STEAP1B: variants seen among roughly 807,000 people sequenced by gnomAD.
The protein encoded by STEAP1B is STEAP family protein MGC87042.
A neutral mutation model predicts 27.9 loss-of-function variants in STEAP1B; 13 were observed. The ratio of observed to expected loss-of-function variants is 0.47; its 90% CI spans 0.30 to 0.74. The LOEUF is 0.74. Among genes scored for constraint, STEAP1B ranks in the 30% least tolerant of loss-of-function variants. The pLI, the probability that STEAP1B is intolerant of heterozygous loss-of-function variation, is 0.06. For missense variants in STEAP1B, 250 were observed against 298.7 expected, an observed-to-expected ratio of 0.84 and a Z score of 1.20; for synonymous variants, 86 against 107.1, an observed-to-expected ratio of 0.80 and a Z score of 1.22.
At chr7:22,486,399 T>C (rs1245147743) in intron 4 of STEAP1B, among the ~76,000 whole-genome samples, 3 of 152,138 alleles carry the variant, frequency 2.0e-5, no homozygotes, top group African/African-American at 7.2e-5. Context: ...AAGAGAGTTA[T>C]TGCAAACAAG....
chr7:22,497,657 T>C (rs1157451771), intron 1 of STEAP1B, among the ~76,000 whole-genome samples: 1 of 152,244 alleles, frequency 6.6e-6, no homozygotes, highest in African/African-American at 2.4e-5. Flanking sequence ...AACAGCATTA[T>C]TCCAAGTCAT....
At chr7:22,498,260 C>T (rs889840449) in intron 1 of STEAP1B, among the ~76,000 whole-genome samples, 9 of 152,108 alleles carry the variant, frequency 5.9e-5, no homozygotes, top group African/African-American at 1.9e-4. Flanking sequence ...GGTGTTAAAC[C>T]ATGAGAAACT....
rs538909598 is a variant in STEAP1B, at chr7:22,485,182, G to A, written c.762+7383C>T. 7.9e-5 allele frequency among the ~76,000 whole-genome samples: 12 copies of A among 152,320 alleles called. No homozygotes were observed. In the South Asian group the frequency reaches 2.3e-3, roughly 29 times the overall value. On this transcript the variant is annotated intron_variant, in intron 4 of 4. Coordinates refer to ENST00000678116, the MANE Select transcript of STEAP1B (RefSeq NM_001382447.1). ...AAAGAAATTCTACTGTGGGTAAAAT[G>A]CCATCAAACAGCATCACATGCCACA...
At chr7:22,445,515 G>A (rs1470631756) in intron 4 of STEAP1B, among the ~76,000 whole-genome samples, 1 of 152,276 alleles carries the variant, frequency 6.6e-6, no homozygotes, top group Non-Finnish European at 1.5e-5. Flanking sequence ...CCTCTTGGCA[G>A]CCAGCTTCAC....
intron 4 of STEAP1B, among the ~76,000 whole-genome samples, chr7:22,427,526 C>T (rs773671680): frequency 1.3e-5 from 2 of 152,046 alleles, no homozygotes; most frequent in African/African-American, 2.4e-5. Flanking sequence ...CTAGTTTAGG[C>T]GTGGACATAT....
chr7:22,476,541 C>T (rs568929650), intron 4 of STEAP1B, among the ~76,000 whole-genome samples: 1 of 152,300 alleles, frequency 6.6e-6, no homozygotes, highest in Admixed American at 6.5e-5. Context: ...CCTCAATCCC[C>T]TGTATAGTCC....
chr7:22,460,856 A>G (rs1284909202), intron 4 of STEAP1B, among the ~76,000 whole-genome samples: 1 of 152,208 alleles, frequency 6.6e-6, no homozygotes, highest in Non-Finnish European at 1.5e-5. Context: ...ATATACATAT[A>G]TGCATGTGTA....
intron 4 of STEAP1B, among the ~76,000 whole-genome samples, chr7:22,440,970 TTA>T (rs1785324740): frequency 6.7e-6 from 1 of 150,184 alleles, no homozygotes; most frequent in Non-Finnish European, 1.5e-5. Context: ...ATATGTTAAA[TTA>T]TATATTAAAA....
intron 4 of STEAP1B, among the ~76,000 whole-genome samples, chr7:22,475,139 T>C (rs531266761): frequency 7.9e-5 from 12 of 152,296 alleles, no homozygotes; most frequent in African/African-American, 2.9e-4. Context: ...TCTCATTTTA[T>C]CCCCACCTAA....
chr7:22,421,078 A>G (rs1359273536), intron 4 of STEAP1B, among the ~76,000 whole-genome samples: 1 of 152,224 alleles, frequency 6.6e-6, no homozygotes, highest in Admixed American at 6.5e-5. Flanking sequence ...TGAATATCCA[A>G]CATCAGTTAT....
intron 4 of STEAP1B, among the ~76,000 whole-genome samples, chr7:22,488,127 C>T (rs1786248028): frequency 6.6e-6 from 1 of 152,168 alleles, no homozygotes; most frequent in Non-Finnish European, 1.5e-5. Flanking sequence ...TTGTCCCAGT[C>T]CTCCGAGTCC....
At chr7:22,472,539 C>G (rs548829179) in intron 4 of STEAP1B, among the ~76,000 whole-genome samples, 3 of 152,192 alleles carry the variant, frequency 2.0e-5, no homozygotes, top group Non-Finnish European at 4.4e-5. Flanking sequence ...AGAAGTTTTA[C>G]GGCAAGTTGA....
At chr7:22,468,252 C>T (rs1249991721) in intron 4 of STEAP1B, among the ~76,000 whole-genome samples, 1 of 151,964 alleles carries the variant, frequency 6.6e-6, no homozygotes, top group African/African-American at 2.4e-5. Flanking sequence ...ATCTGACAAA[C>T]CTATTCTGAG....
chr7:22,456,143 T>C (rs867437285), intron 4 of STEAP1B, among the ~76,000 whole-genome samples: 10 of 150,258 alleles, frequency 6.7e-5, no homozygotes, highest in Middle Eastern at 3.4e-3. Flanking sequence ...CGAGACTCCA[T>C]CTCAAAAAAA....
At chr7:22,493,159 T>C (rs1177940657) in intron 3 of STEAP1B, among the ~76,000 whole-genome samples, 165 bp downstream of exon 3, 1 of 152,224 alleles carries the variant, frequency 6.6e-6, no homozygotes, top group Non-Finnish European at 1.5e-5. Flanking sequence ...TAAAACCGAC[T>C]GACAACCAAG....
chr7:22,473,478 T>C (rs1177702419), intron 4 of STEAP1B, among the ~76,000 whole-genome samples: 1 of 152,226 alleles, frequency 6.6e-6, no homozygotes, highest in Non-Finnish European at 1.5e-5. Flanking sequence ...TCTACTACCA[T>C]CCAACCTTCT....
intron 4 of STEAP1B, among the ~76,000 whole-genome samples, chr7:22,449,614 A>G (rs1785455995): frequency 6.6e-6 from 1 of 152,230 alleles, no homozygotes; most frequent in Admixed American, 6.5e-5. Context: ...GACAGTGCAG[A>G]TATCTCTCTT....
chr7:22,425,727 A>C (rs1785097093), intron 4 of STEAP1B, among the ~76,000 whole-genome samples: 1 of 152,220 alleles, frequency 6.6e-6, no homozygotes, highest in South Asian at 2.1e-4. Flanking sequence ...GTGCAGCCTA[A>C]ATGAACTGCA....
At chr7:22,485,499 T>A (rs1786187747) in intron 4 of STEAP1B, among the ~76,000 whole-genome samples, 1 of 152,182 alleles carries the variant, frequency 6.6e-6, no homozygotes, top group Non-Finnish European at 1.5e-5. Flanking sequence ...AACTTTTTTA[T>A]TTTTTTAGAG....
Sources: gnomAD v4.1 joint callset for allele counts (sites outside exome capture counted in the v4.1 genomes callset) on GRCh38, gnomAD v4.1.1 for gene constraint, MANE v1.5 for transcripts, NCBI Gene and HGNC (gene_info 2026-07-23, HGNC 2026-07-21) for gene names.